The following TRIO variants were observed in gnomAD, a reference collection of about 807,000 sequenced individuals.
TRIO encodes trio Rho guanine nucleotide exchange factor.
In TRIO, 58 loss-of-function variants were observed where a neutral mutation model predicts 351.9. That is an observed-to-expected ratio of 0.16 (90% confidence interval 0.13 to 0.21). The LOEUF (loss-of-function observed/expected upper bound fraction) is 0.21. TRIO is among the 10% of genes least tolerant of loss of function. The pLI is 1.00. For synonymous variants in TRIO, 1,758 were observed against 1,595.7 expected (o/e 1.10, Z -2.42); for missense variants, 3,201 against 4,027.8 (o/e 0.79, Z 5.56).
intron 1 of TRIO, among the ~76,000 whole-genome samples, chr5:14,215,885 G>C (rs1251729135): frequency 6.6e-6 from 1 of 152,184 alleles, no homozygotes; most frequent in Non-Finnish European, 1.5e-5. Flanking sequence ...TGTTGATTTG[G>C]TTATTTTAAA....
rs766872962 is a variant in TRIO, at chr5:14,368,801, G to A, written c.2968G>A (p.Glu990Lys). 3.1e-6 allele frequency: 5 copies of A among 1,614,134 alleles called. No individual in the cohort carries two copies. The highest frequency in any genetic ancestry group is 4.2e-6 in the Non-Finnish European group (5 of 1,180,042). ...YDMDMIRDCA[E>K]KVASHWQQLM... Reference sequence around the variant, plus strand: ...CATGGACATGATCCGGGACTGCGCCGAGAAGGTGGCGTCTCACTGGCAACA... The same window carrying A: ...CATGGACATGATCCGGGACTGCGCCAAGAAGGTGGCGTCTCACTGGCAACA... The change falls in exon 17 of 57, where the codon GAG becomes AAG. Residue 990 changes from glutamate (E) to lysine (K), a missense_variant. Glu to Lys is a moderately conservative substitution (Grantham distance 56, BLOSUM62 1). This residue lies in a region of TRIO where 363 missense variants were observed against 553.5 expected (regional missense o/e 0.66). Transcript: ENST00000344204.
chr5:14,380,494 C>T (rs116422788), intron 20 of TRIO, among the ~76,000 whole-genome samples: 2,407 of 152,152 alleles, frequency 0.016, 60 homozygotes, highest in African/African-American at 0.054. Flanking sequence ...CTCCCCAGGG[C>T]GGCTGACTCC....
intron 49 of TRIO, among the ~76,000 whole-genome samples, chr5:14,496,013 C>A (rs1756870362): frequency 6.6e-6 from 1 of 152,178 alleles, no homozygotes; most frequent in Non-Finnish European, 1.5e-5. Context: ...GCAACTACCA[C>A]CTTGATCAGT....
intron 9 of TRIO, among the ~76,000 whole-genome samples, chr5:14,325,733 T>G (rs1740323415): frequency 6.6e-6 from 1 of 152,194 alleles, no homozygotes; most frequent in South Asian, 2.1e-4. Context: ...CCGTAAATAC[T>G]CTACAAGACC....
chr5:14,404,053 G>A (rs1748489554), intron 31 of TRIO, among the ~76,000 whole-genome samples: 1 of 122,026 alleles, frequency 8.2e-6, no homozygotes, highest in Non-Finnish European at 1.6e-5. Flanking sequence ...TGTAGGTTGT[G>A]GTGAGGGTGC....
At chr5:14,289,088 T>C (rs1273745307) in intron 4 of TRIO, among the ~76,000 whole-genome samples, 1 of 151,666 alleles carries the variant, frequency 6.6e-6, no homozygotes, top group Non-Finnish European at 1.5e-5. Flanking sequence ...TATTTTGTTT[T>C]AAAAATTAGC....
chr5:14,189,960 A>C (rs1211746305), intron 1 of TRIO, among the ~76,000 whole-genome samples: 3 of 151,242 alleles, frequency 2.0e-5, no homozygotes. Context: ...GGGCTCAAGC[A>C]CTCCTCCCAC....
chr5:14,324,660 C>G (rs370393475), intron 9 of TRIO, among the ~76,000 whole-genome samples: 29 of 152,260 alleles, frequency 1.9e-4, no homozygotes, highest in African/African-American at 7.0e-4. Flanking sequence ...AATCTCTTTT[C>G]TTGGGCAGGT....
intron 19 of TRIO, among the ~76,000 whole-genome samples, chr5:14,377,285 G>A (rs550867643): frequency 3.0e-4 from 45 of 149,422 alleles, no homozygotes; most frequent in East Asian, 2.2e-3. Flanking sequence ...TTGCCCTGTC[G>A]CCTAGGCTGG....
chr5:14,187,312 G>A (rs1211454040), intron 1 of TRIO, among the ~76,000 whole-genome samples: 2 of 152,190 alleles, frequency 1.3e-5, no homozygotes, highest in African/African-American at 4.8e-5. Context: ...GGATTTTTAC[G>A]GAAAAGCAGA....
At chr5:14,210,819 G>GA (rs1354474061) in intron 1 of TRIO, among the ~76,000 whole-genome samples, 1 of 152,116 alleles carries the variant, frequency 6.6e-6, no homozygotes, top group Non-Finnish European at 1.5e-5. Flanking sequence ...GAATTCAGCA[G>GA]AAATGAAGTG....
intron 33 of TRIO, among the ~76,000 whole-genome samples, chr5:14,415,400 G>GTC (rs943716482): frequency 6.6e-6 from 1 of 152,138 alleles, no homozygotes; most frequent in Non-Finnish European, 1.5e-5. Context: ...TATTGCCGCC[G>GTC]TCTATCGAGA....
chr5:14,496,344 G>A (rs1756893314), intron 49 of TRIO, among the ~76,000 whole-genome samples: 1 of 152,158 alleles, frequency 6.6e-6, no homozygotes, highest in South Asian at 2.1e-4. Context: ...AGGGAGACTG[G>A]CAAGTCCAAA....
chr5:14,365,018 G>GATGTCC (rs1744475526), intron 15 of TRIO, among the ~76,000 whole-genome samples: 1 of 152,226 alleles, frequency 6.6e-6, no homozygotes, highest in Non-Finnish European at 1.5e-5. Context: ...AAGGGAGCCA[G>GATGTCC]TGGCCAGGAC....
In TRIO at chr5:14,245,653, C is replaced by G. The variant is rs116371957; in HGVS notation, c.158-25172C>G. On this transcript the variant is annotated intron_variant, in intron 1 of 56. Coordinates refer to ENST00000344204, the MANE Select transcript of TRIO (RefSeq NM_007118.4). ...CAGTGGCCTTTGCAATAGACACACT[C>G]TTCTTGACCGTTTTTGCACCGAGTG... Among the ~76,000 whole-genome samples the G allele has an allele frequency of 4.9e-3, 750 of 152,334 alleles. 6 individuals carry two copies. Among genetic ancestry groups the G allele is most frequent in the African/African-American group, 0.016 (669 of 41,580 alleles).
At chr5:14,369,952 A>T (rs1744933261) in intron 18 of TRIO, among the ~76,000 whole-genome samples, 1 of 152,198 alleles carries the variant, frequency 6.6e-6, no homozygotes. Flanking sequence ...CATGGAGTAG[A>T]CACAGTGCGA....
intron 1 of TRIO, among the ~76,000 whole-genome samples, chr5:14,178,860 GACCTACAGC>G (rs1166184363): frequency 6.6e-6 from 1 of 152,144 alleles, no homozygotes; most frequent in Non-Finnish European, 1.5e-5. Flanking sequence ...TTTGAAAACA[GACCTACAGC>G]ACATTTGAAG....
chr5:14,362,618 G>A (rs757061942), intron 13 of TRIO, among the ~76,000 whole-genome samples: 7 of 152,134 alleles, frequency 4.6e-5, no homozygotes, highest in Admixed American at 6.6e-5. Flanking sequence ...TTTCCCTGGC[G>A]TTTCCTCTAA....
chr5:14,168,401 C>T (rs887358577), intron 1 of TRIO, among the ~76,000 whole-genome samples: 1 of 152,352 alleles, frequency 6.6e-6, no homozygotes, highest in Non-Finnish European at 1.5e-5. Flanking sequence ...TCTACAAGTA[C>T]ATTACTCATA....
Sources: allele counts gnomAD v4.1 joint callset (sites outside exome capture counted in the v4.1 genomes callset), GRCh38; gene constraint gnomAD v4.1.1; regional missense constraint gnomAD v4.1.1; transcripts MANE v1.5; gene names NCBI Gene and HGNC (gene_info 2026-07-23, HGNC 2026-07-21).